The following CEP112 variants were observed in gnomAD, a reference collection of about 807,000 sequenced individuals.
CEP112 encodes the protein centrosomal protein 112.
Under a neutral mutation model 153.0 loss-of-function variants are expected in CEP112, and 127 were observed. The ratio of observed to expected loss-of-function variants is 0.83; its 90% confidence interval spans 0.72 to 0.96. CEP112 has a LOEUF of 0.96. Ranked by LOEUF, CEP112 falls within the 40% of genes least tolerant of loss-of-function variation. The probability of loss-of-function intolerance (pLI) is 0.00; values close to 1 mark genes in which losing one functional copy is unlikely to be tolerated. For synonymous variants in CEP112, 358 were observed against 374.4 expected (o/e 0.96, Z 0.51); for missense variants, 1,089 against 1,101.2 (o/e 0.99, Z 0.16).
In CEP112 at chr17:65,902,267, T is replaced by A. The variant is rs763898618; in HGVS notation, c.2048A>T (p.Lys683Met). Residue 683 changes from lysine (K) to methionine (M), a missense_variant, in exon 20 of 27, where the codon AAG becomes ATG. Coordinates refer to ENST00000535342, the MANE Select transcript of CEP112 (RefSeq NM_001199165.4). ...TTCATGGTCTCGGACTAGGCTATCC[T>A]TCTCTGCGTTATGCTGCTGTAATAG... Reference protein sequence around the residue: ...THLLQQHNAEKDSLVRDHERE... With the variant: ...THLLQQHNAEMDSLVRDHERE... 1.2e-6 allele frequency: 2 copies of A among 1,614,052 alleles called. No homozygotes were observed. Among genetic ancestry groups the A allele is most frequent in the Non-Finnish European group, 1.7e-6 (2 of 1,179,974 alleles).
intron 17 of CEP112, among the ~76,000 whole-genome samples, chr17:65,986,033 T>C (rs181762783): frequency 6.6e-5 from 10 of 152,220 alleles, no homozygotes; most frequent in Middle Eastern, 3.4e-3. Flanking sequence ...ATTGAAGTAA[T>C]AGATCACATT....
intron 24 of CEP112, among the ~76,000 whole-genome samples, chr17:65,684,705 A>G (rs992871222): frequency 6.6e-5 from 10 of 152,226 alleles, no homozygotes; most frequent in African/African-American, 1.9e-4. Flanking sequence ...GACAGATGGC[A>G]TATATCCATT....
intron 2 of CEP112, among the ~76,000 whole-genome samples, chr17:66,179,991 T>C (rs2072650049): frequency 6.6e-6 from 1 of 152,198 alleles, no homozygotes; most frequent in African/African-American, 2.4e-5. Flanking sequence ...ATCACATGGA[T>C]TGATTTGCAT....
chr17:66,067,016 AACACACACACACACACACAC>A (rs60964018), intron 9 of CEP112, 139 bp from the exon 10 acceptor site: 15 of 264,864 alleles, frequency 5.7e-5, no homozygotes, highest in South Asian at 8.6e-5. Flanking sequence ...TGAAATTATA[AACACACACACACACACACAC>A]ACACACACAC....
intron 24 of CEP112, among the ~76,000 whole-genome samples, chr17:65,650,741 A>AAAT: frequency 6.6e-6 from 1 of 150,408 alleles, no homozygotes; most frequent in African/African-American, 2.4e-5. Flanking sequence ...AAAAAAAAAA[A>AAAT]AAAAAAAAAA....
chr17:65,640,951 T>C lies in CEP112; in HGVS notation c.2799+13A>G. The C allele has an allele frequency of 6.9e-7, 1 of 1,443,906 alleles. No homozygotes were observed. Among genetic ancestry groups the C allele is most frequent in the Non-Finnish European group, 9.7e-7 (1 of 1,025,644 alleles). 89.4% of individuals were successfully genotyped at this position (1,443,906 alleles called of 1,614,324 possible). A position where few individuals can be genotyped will look rare whatever the true frequency, so the allele number is the denominator to read the frequency against. On this transcript the variant is annotated intron_variant, in intron 25 of 26. Transcript: ENST00000535342. Reference sequence around the variant, plus strand: ...CCTAAATCCTTGGAAAATGCCTTGATTCTAGTAATTACCTGTGATTTTAGG... The same window carrying C: ...CCTAAATCCTTGGAAAATGCCTTGACTCTAGTAATTACCTGTGATTTTAGG...
At chr17:65,774,919 C>A (rs971500593) in intron 21 of CEP112, among the ~76,000 whole-genome samples, 8 of 152,256 alleles carry the variant, frequency 5.3e-5, no homozygotes, top group African/African-American at 1.9e-4. Flanking sequence ...TGGCTCAGAT[C>A]CTGGTTTGCT....
At chr17:65,765,541 C>T (rs911755059) in intron 21 of CEP112, among the ~76,000 whole-genome samples, 8 of 151,980 alleles carry the variant, frequency 5.3e-5, no homozygotes, top group Non-Finnish European at 2.9e-5. Context: ...CACAAAAGCC[C>T]AACACTGCTA....
intron 23 of CEP112, among the ~76,000 whole-genome samples, chr17:65,741,615 A>T (rs994886289): frequency 6.6e-6 from 1 of 151,808 alleles, no homozygotes; most frequent in Non-Finnish European, 1.5e-5. Flanking sequence ...GATTTTTTTA[A>T]TCATCAAGAA....
intron 7 of CEP112, 29 bp from the exon 8 acceptor site, chr17:66,096,357 T>A: frequency 6.3e-7 from 1 of 1,595,430 alleles, no homozygotes. Flanking sequence ...TTATTTAACA[T>A]GTTTTCAGAT....
At chr17:66,062,425 GATAA>G (rs2066959708) in intron 11 of CEP112, among the ~76,000 whole-genome samples, 1 of 152,050 alleles carries the variant, frequency 6.6e-6, no homozygotes, top group Admixed American at 6.5e-5. Flanking sequence ...AAAAAGAACT[GATAA>G]ATGTTTGAGG....
intron 21 of CEP112, among the ~76,000 whole-genome samples, chr17:65,793,638 T>C (rs752106275): frequency 6.6e-6 from 1 of 151,410 alleles, no homozygotes; most frequent in African/African-American, 2.4e-5. Context: ...GCTTTGCTAA[T>C]ACTTTGAACA....
intron 12 of CEP112, among the ~76,000 whole-genome samples, chr17:66,032,750 T>C (rs924997607): frequency 6.6e-6 from 1 of 151,992 alleles, no homozygotes; most frequent in African/African-American, 2.4e-5. Flanking sequence ...AAAATAGAAA[T>C]AGACATGCAG....
Position 65,901,448 on chromosome 17 carries a change from T to C in CEP112, c.2163+704A>G, listed in dbSNP as rs2059845135. 5.9e-5 allele frequency among the ~76,000 whole-genome samples: 9 copies of C among 152,284 alleles called. No individual in the cohort carries two copies. The South Asian group carries it at 1.9e-3, about 32-fold the overall frequency. On this transcript the variant is annotated intron_variant, in intron 20 of 26. Transcript: ENST00000535342. ...TTGTATCACAAAGATACACATCCAA[T>C]AAGATTTCTTTTTTCATCTGAAATT...
chr17:65,968,546 C>T (rs2062499492), intron 17 of CEP112, among the ~76,000 whole-genome samples: 2 of 152,106 alleles, frequency 1.3e-5, no homozygotes, highest in African/African-American at 2.4e-5. Context: ...AATTGTATTG[C>T]TACAAAATAT....
At chr17:65,939,224 A>G (rs1335385201) in intron 18 of CEP112, among the ~76,000 whole-genome samples, 2 of 152,196 alleles carry the variant, frequency 1.3e-5, no homozygotes, top group East Asian at 3.8e-4. Flanking sequence ...TAAAACACCA[A>G]TGAAAAAAAT....
At chr17:65,977,779 A>G (rs537166481) in intron 17 of CEP112, among the ~76,000 whole-genome samples, 1 of 152,282 alleles carries the variant, frequency 6.6e-6, no homozygotes, top group Non-Finnish European at 1.5e-5. Context: ...TGTCTTTAAA[A>G]ATAAAAATAA....
At chr17:65,971,467 T>C (rs982472414) in intron 17 of CEP112, among the ~76,000 whole-genome samples, 3 of 105,132 alleles carry the variant, frequency 2.9e-5, no homozygotes, top group Admixed American at 1.2e-4. Flanking sequence ...ATCACACACA[T>C]GTATCATGCA....
At position 66,159,951 on chromosome 17, in the gene CEP112, C is replaced by T. The variant is rs148966060; in HGVS notation, c.470+15093G>A. ...GTATATTTAGAAAACCCCATTGTCT[C>T]GGCGCAAAAACTACTTAAGGTGATA... On this transcript the variant is annotated intron_variant, in intron 4 of 26. Transcript: ENST00000535342. Among the ~76,000 whole-genome samples the T allele has an allele frequency of 9.2e-3, 1,400 of 152,184 alleles. 15 individuals are homozygous for T. The highest frequency in any genetic ancestry group is 0.011 in the Admixed American group (166 of 15,286).
Sources: gnomAD v4.1 joint callset for allele counts (sites outside exome capture counted in the v4.1 genomes callset) on GRCh38, gnomAD v4.1.1 for gene constraint, MANE v1.5 for transcripts, NCBI Gene and HGNC (gene_info 2026-07-23, HGNC 2026-07-21) for gene names.